The following LCOR variants were observed in gnomAD, a reference collection of about 807,000 sequenced individuals.
The protein encoded by LCOR is ligand-dependent corepressor.
A neutral mutation model predicts 64.4 loss-of-function variants in LCOR; 14 were observed. The observed-to-expected ratio is 0.22, with a 90% CI of 0.14 to 0.34. LCOR has a LOEUF of 0.34. Among genes scored for constraint, LCOR ranks in the 10% least tolerant of loss-of-function variants. The probability of loss-of-function intolerance (pLI) is 1.00; values close to 1 mark genes in which losing one functional copy is unlikely to be tolerated. For synonymous variants in LCOR, 643 were observed against 642.5 expected (o/e 1.00, Z -0.01); for missense variants, 1,686 against 1,765.3 (o/e 0.96, Z 0.80).
chr10:96,866,606 G>A (rs1394342628), intron 2 of LCOR, among the ~76,000 whole-genome samples: 1 of 152,176 alleles, frequency 6.6e-6, no homozygotes, highest in Non-Finnish European at 1.5e-5. Flanking sequence ...TGGAGATGGA[G>A]TTTTGCTCTT....
At chr10:96,841,947 GTT>G (rs1298041489) in intron 2 of LCOR, among the ~76,000 whole-genome samples, 1 of 151,562 alleles carries the variant, frequency 6.6e-6, no homozygotes, top group Admixed American at 6.6e-5. Context: ...TGTGACTGTT[GTT>G]TTTGATCTCA....
chr10:96,890,261 T>C lies in LCOR; in HGVS notation c.-329-17004T>C, dbSNP rs1032797394. Among the ~76,000 whole-genome samples, 5 of 152,096 alleles carry C rather than the reference T, an allele frequency of 3.3e-5. No individual in the cohort carries two copies. In the South Asian group the frequency reaches 1.0e-3, roughly 32 times the overall value. Reference sequence around the variant, plus strand: ...CCACATCTGGCTAACCTTTAAGATATTTTGTAGAGAAGGGGTCTGGCTGTG... The same window carrying C: ...CCACATCTGGCTAACCTTTAAGATACTTTGTAGAGAAGGGGTCTGGCTGTG... On this transcript the variant is annotated intron_variant, in intron 2 of 7. Coordinates refer to ENST00000421806, the MANE Select transcript of LCOR (RefSeq NM_001346516.2).
chr10:96,921,303 A>G (rs1847077440), intron 4 of LCOR, among the ~76,000 whole-genome samples: 2 of 152,134 alleles, frequency 1.3e-5, no homozygotes, highest in African/African-American at 2.4e-5. Context: ...AGTTGTATAC[A>G]GAAAATCATT....
chr10:96,904,579 G>A (rs1307680639), intron 2 of LCOR, among the ~76,000 whole-genome samples: 2 of 152,134 alleles, frequency 1.3e-5, no homozygotes, highest in Non-Finnish European at 2.9e-5. Flanking sequence ...TGTGATGTTG[G>A]ATAGGAATTC....
At chr10:96,955,952 A>C in intron 7 of LCOR, 1 of 1,590,018 alleles carries the variant, frequency 6.3e-7, no homozygotes, top group Non-Finnish European at 8.6e-7. Context: ...TTACTGTACA[A>C]ACTGGGTGAG....
intron 2 of LCOR, among the ~76,000 whole-genome samples, chr10:96,882,208 A>G (rs1846274980): frequency 6.6e-6 from 1 of 152,112 alleles, no homozygotes; most frequent in African/African-American, 2.4e-5. Flanking sequence ...TTTTTTGCAC[A>G]TTTCTTTAAT....
At position 96,908,669 on chromosome 10, in the gene LCOR, A is replaced by G. The variant is rs530062128; in HGVS notation, c.-184+922A>G. ...GTTTACTACTTTTTTTTTTCATGGT[A>G]CATCCATTCCCTGTTTTAAAGCCTT... On this transcript the variant is annotated intron_variant, in intron 4 of 7. Transcript: ENST00000421806. Among the ~76,000 whole-genome samples the G allele has an allele frequency of 5.1e-4, 77 of 151,560 alleles. 1 individual carries two copies. The highest frequency in any genetic ancestry group is 1.1e-3 in the African/African-American group (45 of 41,292).
chr10:96,914,469 T>A (rs1846902400), intron 4 of LCOR, among the ~76,000 whole-genome samples: 1 of 152,246 alleles, frequency 6.6e-6, no homozygotes, highest in Non-Finnish European at 1.5e-5. Context: ...AGTGCTGGGA[T>A]TACAGGCGCG....
chr10:96,908,978 G>A (rs1230012810), intron 4 of LCOR, among the ~76,000 whole-genome samples: 1 of 152,004 alleles, frequency 6.6e-6, no homozygotes, highest in Non-Finnish European at 1.5e-5. Context: ...GCCTCCCAAA[G>A]TGCTAGGATT....
chr10:96,894,076 T>C (rs548014043), intron 2 of LCOR, among the ~76,000 whole-genome samples: 1 of 152,236 alleles, frequency 6.6e-6, no homozygotes, highest in East Asian at 1.9e-4. Context: ...TCAAGACTAT[T>C]GATATTTGAG....
intron 2 of LCOR, among the ~76,000 whole-genome samples, chr10:96,849,816 A>T (rs1298075326): frequency 2.7e-5 from 4 of 148,712 alleles, no homozygotes; most frequent in Non-Finnish European, 4.4e-5. Flanking sequence ...CAGGATCCCC[A>T]TGATGCCCCA....
chr10:96,964,577 A>T (rs1391315421), intron 7 of LCOR: 2 of 152,150 alleles, frequency 1.3e-5, no homozygotes, highest in African/African-American at 4.8e-5. Context: ...TTCTTTCTAG[A>T]TGCAATCTTT....
At chr10:96,851,783 C>T (rs574839695) in intron 2 of LCOR, among the ~76,000 whole-genome samples, 1 of 152,308 alleles carries the variant, frequency 6.6e-6, no homozygotes, top group East Asian at 1.9e-4. Flanking sequence ...GAGAACATAG[C>T]ATTGTAGATG....
At chr10:96,926,886 G>GTAGT (rs1339748814) in intron 4 of LCOR, among the ~76,000 whole-genome samples, 1 of 151,996 alleles carries the variant, frequency 6.6e-6, no homozygotes, top group Non-Finnish European at 1.5e-5. Flanking sequence ...TTATTGCTGA[G>GTAGT]TAGTTCTCCA....
chr10:96,968,015 T>C (rs1448780742), intron 7 of LCOR, among the ~76,000 whole-genome samples: 1 of 152,152 alleles, frequency 6.6e-6, no homozygotes, highest in Non-Finnish European at 1.5e-5. Context: ...GGCTTAGACA[T>C]GTTTAGTATT....
At chr10:96,967,097 A>G (rs1321268452) in intron 7 of LCOR, among the ~76,000 whole-genome samples, 2 of 152,002 alleles carry the variant, frequency 1.3e-5, no homozygotes, top group Non-Finnish European at 2.9e-5. Context: ...TCATTTTTTA[A>G]TGTTCGTTGT....
At chr10:96,836,524 G>A (rs907432977) in intron 2 of LCOR, among the ~76,000 whole-genome samples, 2 of 152,126 alleles carry the variant, frequency 1.3e-5, no homozygotes, top group African/African-American at 4.8e-5. Context: ...ACAAAGTCTG[G>A]GAAAGTTGCC....
chr10:96,982,643 G>C lies in LCOR; in HGVS notation c.2183G>C (p.Ser728Thr), dbSNP rs772925082. 35 of 1,614,158 alleles carry C rather than the reference G, an allele frequency of 2.2e-5. No individual in the cohort carries two copies. In the South Asian group the frequency reaches 3.7e-4, roughly 17 times the overall value. The change falls in exon 8 of 8, where the codon AGC (serine) becomes ACC (threonine). Residue 728 changes from serine to threonine, a missense_variant. Coordinates refer to ENST00000421806, the MANE Select transcript of LCOR (RefSeq NM_001346516.2). ...MSLGKAEDNQ[S>T]ISAEVESGDT... ...CTGGGAAAGGCTGAGGACAACCAAA[G>C]CATCAGTGCTGAGGTTGAGTCTGGA... is the stretch of plus-strand genomic sequence containing the variant.
chr10:96,832,725 G>C (rs1273486862), intron 1 of LCOR, among the ~76,000 whole-genome samples: 1 of 149,120 alleles, frequency 6.7e-6, no homozygotes, highest in Non-Finnish European at 1.5e-5. Context: ...CCCTGCTCCC[G>C]CTCCAGGCCC....
Sources: gnomAD v4.1 joint callset for allele counts (sites outside exome capture counted in the v4.1 genomes callset) on GRCh38, gnomAD v4.1.1 for gene constraint, MANE v1.5 for transcripts, NCBI Gene and HGNC (gene_info 2026-07-23, HGNC 2026-07-21) for gene names.